The following OSBPL9 variants were observed in gnomAD, a reference collection of about 807,000 sequenced individuals.
OSBPL9 encodes the protein oxysterol-binding protein-related protein 9.
Under a neutral mutation model 106.6 loss-of-function variants are expected in OSBPL9, and 40 were observed. The ratio of observed to expected loss-of-function variants is 0.38; its 90% CI spans 0.29 to 0.49. The LOEUF (loss-of-function observed/expected upper bound fraction) is 0.49. OSBPL9 is among the 20% of genes least tolerant of loss of function. The probability of loss-of-function intolerance (pLI) is 0.97; values close to 1 mark genes in which losing one functional copy is unlikely to be tolerated. For synonymous variants in OSBPL9, 269 were observed against 295.4 expected (o/e 0.91, Z 0.92); for missense variants, 609 against 887.2 (o/e 0.69, Z 3.98).
At chr1:51,682,672 G>A (rs185958722) in intron 3 of OSBPL9, among the ~76,000 whole-genome samples, 24 of 151,790 alleles carry the variant, frequency 1.6e-4, no homozygotes, top group African/African-American at 4.6e-4. Flanking sequence ...GCAGGAGATC[G>A]CTCGAACCCA....
chr1:51,626,419 CTTAT>C (rs1328271374), intron 1 of OSBPL9, among the ~76,000 whole-genome samples: 1 of 151,952 alleles, frequency 6.6e-6, no homozygotes, highest in African/African-American at 2.4e-5. Context: ...ACAGATTTTT[CTTAT>C]TTAAGAATAT....
intron 1 of OSBPL9, among the ~76,000 whole-genome samples, chr1:51,591,064 G>C (rs1456425367): frequency 6.6e-6 from 1 of 151,954 alleles, no homozygotes; most frequent in South Asian, 2.1e-4. Context: ...GAATACAGGC[G>C]CCTGCCACCA....
the OSBPL9 span, among the ~76,000 whole-genome samples, chr1:51,553,532 A>G: frequency 1.3e-5 from 2 of 151,862 alleles, no homozygotes; most frequent in East Asian, 3.9e-4. Context: ...CAAAAACCAA[A>G]ACAAAACAAA....
chr1:51,784,673 A>G, intron 20 of OSBPL9, 91 bp downstream of exon 20: 1 of 1,412,884 alleles, frequency 7.1e-7, no homozygotes, highest in African/African-American at 1.4e-5. Flanking sequence ...GGAGTGTGAA[A>G]GAATGGTTCT....
In OSBPL9 at chr1:51,675,373, ATTT is replaced by A. The variant is rs879596730; in HGVS notation, c.241+5862_241+5864del. ...CAGAAATTAATTAATTAATTAATTTATTTATTTATTTATTTTTTGTGAATGGGG... is the reference window on the plus strand; with the variant it reads ...CAGAAATTAATTAATTAATTAATTTAATTTATTTATTTTTTGTGAATGGGG... On this transcript the variant is annotated intron_variant, in intron 3 of 23. Coordinates refer to ENST00000428468, the MANE Select transcript of OSBPL9 (RefSeq NM_024586.6). Among the ~76,000 whole-genome samples, 720 of 151,140 alleles carry A rather than the reference ATTT, an allele frequency of 4.8e-3. 2 individuals are homozygous for A. Among genetic ancestry groups the A allele is most frequent in the African/African-American group, 0.017 (678 of 40,894 alleles).
intron 1 of OSBPL9, among the ~76,000 whole-genome samples, chr1:51,589,336 G>A (rs1645261954): frequency 6.6e-6 from 1 of 152,150 alleles, no homozygotes; most frequent in Non-Finnish European, 1.5e-5. Flanking sequence ...CGATCTGCCT[G>A]CCTCAGTTTC....
chr1:51,720,295 G>A (rs1275832128), intron 4 of OSBPL9, among the ~76,000 whole-genome samples: 3 of 151,914 alleles, frequency 2.0e-5, no homozygotes, highest in African/African-American at 4.8e-5. Flanking sequence ...ATGTTTAACT[G>A]AGTTGTATAG....
At chr1:51,674,272 T>C (rs1650645332) in intron 3 of OSBPL9, among the ~76,000 whole-genome samples, 1 of 152,048 alleles carries the variant, frequency 6.6e-6, no homozygotes, top group Non-Finnish European at 1.5e-5. Context: ...GTAATAGTTA[T>C]TTTTTGAGTT....
At chr1:51,725,118 T>C (rs78801236) in intron 4 of OSBPL9, among the ~76,000 whole-genome samples, 6 of 152,092 alleles carry the variant, frequency 3.9e-5, no homozygotes, top group South Asian at 2.1e-4. Context: ...CTTTTTTTTT[T>C]CCAGTCTTTT....
At chr1:51,656,071 G>T (rs1466729529) in intron 2 of OSBPL9, among the ~76,000 whole-genome samples, 1 of 152,200 alleles carries the variant, frequency 6.6e-6, no homozygotes, top group African/African-American at 2.4e-5. Context: ...TTTTTAAACA[G>T]ATTATCCAGG....
chr1:51,768,769 A>G (rs1673186152), intron 12 of OSBPL9, among the ~76,000 whole-genome samples: 1 of 152,222 alleles, frequency 6.6e-6, no homozygotes, highest in Non-Finnish European at 1.5e-5. Flanking sequence ...AAAGTCATGC[A>G]CAGGCTCATG....
chr1:51,544,946 C>T, the OSBPL9 span, among the ~76,000 whole-genome samples: 1 of 146,470 alleles, frequency 6.8e-6, no homozygotes, highest in Non-Finnish European at 1.5e-5. Context: ...CAGGCTCAAG[C>T]AATTCTCCTG....
intron 3 of OSBPL9, among the ~76,000 whole-genome samples, chr1:51,681,189 G>A (rs899210296): frequency 1.3e-5 from 2 of 152,098 alleles, no homozygotes; most frequent in Non-Finnish European, 2.9e-5. Flanking sequence ...AGTAGATTAA[G>A]ATATATAGAC....
chr1:51,782,421 TAGTTA>T (rs1676595851), intron 16 of OSBPL9, 133 bp from the exon 17 acceptor site: 1 of 595,866 alleles, frequency 1.7e-6, no homozygotes, highest in Non-Finnish European at 2.9e-6. Flanking sequence ...TAAAATATTG[TAGTTA>T]AGTTCTACAA....
At chr1:51,580,932 A>ACTT (rs1645217532) in intron 1 of OSBPL9, among the ~76,000 whole-genome samples, 1 of 366 alleles carries the variant, frequency 2.7e-3, no homozygotes, top group African/African-American at 0.01. Flanking sequence ...ATATATATAT[A>ACTT]TATATATATA....
intron 1 of OSBPL9, among the ~76,000 whole-genome samples, chr1:51,627,355 G>T (rs934254560): frequency 6.6e-6 from 1 of 151,920 alleles, no homozygotes; most frequent in African/African-American, 2.4e-5. Context: ...TCTTTTGCAT[G>T]TGGATATCCA....
chr1:51,706,401 C>T (rs72898057), intron 3 of OSBPL9, among the ~76,000 whole-genome samples: 4,412 of 152,070 alleles, frequency 0.029, 126 homozygotes, highest in Middle Eastern at 0.088. Flanking sequence ...TGAGTATGTG[C>T]ATCAGTTGTG....
the OSBPL9 span, among the ~76,000 whole-genome samples, chr1:51,559,096 T>C: frequency 3.3e-5 from 5 of 152,198 alleles, no homozygotes; most frequent in East Asian, 9.7e-4. Flanking sequence ...GGCAGGAAAG[T>C]TGACCATCTT....
chr1:51,778,762 A>T lies in OSBPL9; in HGVS notation c.1256+1844A>T, dbSNP rs141199282. Among the ~76,000 whole-genome samples, 357 of 152,162 alleles carry T rather than the reference A, an allele frequency of 2.3e-3. 1 individual carries two copies. Among genetic ancestry groups the T allele is most frequent in the African/African-American group, 8.2e-3 (342 of 41,540 alleles). On this transcript the variant is annotated intron_variant, in intron 15 of 23. Coordinates refer to ENST00000428468, the MANE Select transcript of OSBPL9 (RefSeq NM_024586.6). The stretch of plus-strand genomic sequence containing the variant: ...CAAAAAATCAGGAAGGCTATAGAAG[A>T]TTTAAACAGCATATCAAATCAACTT...
Sources: allele counts gnomAD v4.1 joint callset (sites outside exome capture counted in the v4.1 genomes callset), GRCh38; gene constraint gnomAD v4.1.1; transcripts MANE v1.5; gene names NCBI Gene and HGNC (gene_info 2026-07-23, HGNC 2026-07-21).